The following CDKL3 variants were observed in gnomAD, a reference collection of about 807,000 sequenced individuals.
CDKL3 encodes the protein cyclin-dependent kinase-like 3.
A neutral mutation model predicts 69.3 loss-of-function variants in CDKL3; 65 were observed. The ratio of observed to expected loss-of-function variants is 0.94; its 90% CI spans 0.77 to 1.15. The LOEUF (loss-of-function observed/expected upper bound fraction) is 1.15. CDKL3 is among the 50% of genes most tolerant of loss of function. The probability of loss-of-function intolerance (pLI) is 0.00; values close to 1 mark genes in which losing one functional copy is unlikely to be tolerated. For missense variants in CDKL3, 652 were observed against 689.2 expected, an observed-to-expected ratio of 0.95 and a Z score of 0.61; for synonymous variants, 202 against 221.6, an observed-to-expected ratio of 0.91 and a Z score of 0.79.
downstream of CDKL3, among the ~76,000 whole-genome samples, chr5:134,296,577 A>C (rs1427216230): frequency 1.3e-5 from 2 of 152,242 alleles, no homozygotes; most frequent in Non-Finnish European, 2.9e-5. Flanking sequence ...AAGGTGAACT[A>C]TAAGACATAA....
intron 3 of CDKL3, among the ~76,000 whole-genome samples, chr5:134,355,019 C>T (rs527253790): frequency 2.0e-5 from 3 of 150,992 alleles, no homozygotes; most frequent in Non-Finnish European, 2.9e-5. Context: ...CTTTGGAAAA[C>T]GGAGGCAGGA....
At chr5:134,288,439 GT>G (rs1764975154) in intron 8 of CDKL3, among the ~76,000 whole-genome samples, 1 of 152,094 alleles carries the variant, frequency 6.6e-6, no homozygotes. Context: ...TAAATGCCAT[GT>G]TTTTTCTTGT....
At chr5:134,349,927 C>T (rs772301813) in intron 4 of CDKL3, among the ~76,000 whole-genome samples, 8 of 152,164 alleles carry the variant, frequency 5.3e-5, no homozygotes, top group Non-Finnish European at 1.2e-4. Context: ...CTGACTCACG[C>T]CTGTAATCCT....
chr5:134,371,482 G>GCGA, upstream of CDKL3: 1 of 1,342,334 alleles, frequency 7.4e-7, no homozygotes, highest in Non-Finnish European at 1.0e-6. Flanking sequence ...CTCGGCGGCG[G>GCGA]CGGCGGCGGC....
upstream of CDKL3, chr5:134,367,178 G>C (rs1361529235): frequency 3.0e-6 from 3 of 985,650 alleles, no homozygotes; most frequent in South Asian, 4.7e-5. Context: ...TTCTAGACTC[G>C]TGCGCAAGAC....
At chr5:134,367,299 TA>T, upstream of CDKL3, 1 of 983,394 alleles carries the variant, frequency 1.0e-6, no homozygotes, top group Non-Finnish European at 1.2e-6. Context: ...GGGAGGGGAG[TA>T]CAGATTGCTG....
chr5:134,344,455 C>T (rs541852042), intron 4 of CDKL3, among the ~76,000 whole-genome samples: 1 of 151,974 alleles, frequency 6.6e-6, no homozygotes, highest in Non-Finnish European at 1.5e-5. Flanking sequence ...AATAAAAAGA[C>T]AACTCATTTT....
intron 2 of CDKL3, among the ~76,000 whole-genome samples, chr5:134,360,906 C>T (rs945788045): frequency 3.1e-4 from 47 of 152,242 alleles, no homozygotes; most frequent in Admixed American, 1.0e-3. Flanking sequence ...AACAAAAGAA[C>T]ACCAAAATAT....
upstream of CDKL3, among the ~76,000 whole-genome samples, chr5:134,370,617 C>G (rs375318783): frequency 1.3e-5 from 2 of 152,136 alleles, no homozygotes; most frequent in East Asian, 1.9e-4. Context: ...GAAAGCAGAC[C>G]CAGAAAGGAA....
chr5:134,335,323 T>C (rs1217955437), intron 4 of CDKL3, among the ~76,000 whole-genome samples: 8 of 152,186 alleles, frequency 5.3e-5, no homozygotes, highest in African/African-American at 1.9e-4. Context: ...CTCATTTACA[T>C]TTAAGGTTAA....
intron 7 of CDKL3, among the ~76,000 whole-genome samples, chr5:134,310,317 C>A (rs528136261): frequency 2.6e-5 from 4 of 151,736 alleles, no homozygotes; most frequent in Non-Finnish European, 4.4e-5. Context: ...TCCTGAGTAG[C>A]TGGCATTACA....
At chr5:134,370,551 C>T (rs1334283351), upstream of CDKL3, among the ~76,000 whole-genome samples, 1 of 152,188 alleles carries the variant, frequency 6.6e-6, no homozygotes, top group Non-Finnish European at 1.5e-5. Context: ...CTTAAAAATA[C>T]AATGGTACTC....
intron 7 of CDKL3, among the ~76,000 whole-genome samples, chr5:134,310,643 G>A (rs780641089): frequency 4.0e-5 from 6 of 151,722 alleles, no homozygotes; most frequent in South Asian, 2.1e-4. Flanking sequence ...ACATGCCCAC[G>A]CCCAGCTAAG....
In CDKL3 at chr5:134,330,003, C is replaced by A. The variant is rs1775377065; in HGVS notation, c.540-8100G>T. Among the ~76,000 whole-genome samples, 3 of 148,786 alleles carry A rather than the reference C, an allele frequency of 2.0e-5. No individual in the cohort carries two copies. The South Asian group carries it at 6.4e-4, about 32-fold the overall frequency. On this transcript the variant is annotated intron_variant, in intron 4 of 12. Coordinates refer to ENST00000265334, the MANE Select transcript of CDKL3 (RefSeq NM_001113575.2). Reference sequence around the variant, plus strand: ...CCAGTCTGGGCAACAGAGTGAGACCCTGTCTCAAAAAAAAAAAATTAATAA... The same window carrying A: ...CCAGTCTGGGCAACAGAGTGAGACCATGTCTCAAAAAAAAAAAATTAATAA...
At chr5:134,329,055 G>A (rs184631726) in intron 4 of CDKL3, among the ~76,000 whole-genome samples, 4 of 152,272 alleles carry the variant, frequency 2.6e-5, no homozygotes, top group Admixed American at 1.3e-4. Context: ...CAAATCCACA[G>A]GAAGGCCAGG....
chr5:134,347,713 A>G (rs1561615301), intron 4 of CDKL3, among the ~76,000 whole-genome samples: 3 of 151,146 alleles, frequency 2.0e-5, no homozygotes, highest in Non-Finnish European at 4.4e-5. Context: ...AAAAAAAAAA[A>G]AAAAAAAAGA....
At chr5:134,294,368 A>G (rs113369168), downstream of CDKL3, among the ~76,000 whole-genome samples, 969 of 152,258 alleles carry the variant, frequency 6.4e-3, 6 homozygotes, top group African/African-American at 0.02. Flanking sequence ...CAATCTAATA[A>G]AGGTAATCTA....
rs1289387691 is a variant in CDKL3, at chr5:134,306,623, G to T, written c.1444C>A (p.Pro482Thr). ...QVMPNSRQED[P>T]GPIQSQMEKG... ...TCTTGCCTTACTTGAATAGGACCTG[G>T]ATCCTCTTGCCTGCTATTAGGCATA... Residue 482 changes from proline (P) to threonine (T), a missense_variant, in exon 10 of 13, where the codon CCA (proline) becomes ACA (threonine). Transcript: ENST00000265334. 6.3e-6 allele frequency: 10 copies of T among 1,593,340 alleles called. No homozygotes were observed. The highest frequency in any genetic ancestry group is 7.7e-6 in the Non-Finnish European group (9 of 1,169,238).
At chr5:134,356,317 T>C (rs1052767310) in intron 3 of CDKL3, among the ~76,000 whole-genome samples, 1 of 152,200 alleles carries the variant, frequency 6.6e-6, no homozygotes, top group Non-Finnish European at 1.5e-5. Context: ...CAATGCAAAG[T>C]GGCTGTAAAT....
Sources: gnomAD v4.1 joint callset for allele counts (sites outside exome capture counted in the v4.1 genomes callset) on GRCh38, gnomAD v4.1.1 for gene constraint, MANE v1.5 for transcripts, NCBI Gene and HGNC (gene_info 2026-07-23, HGNC 2026-07-21) for gene names.